The following NDUFAF2 variants were observed in gnomAD, a reference collection of about 807,000 sequenced individuals.
The protein encoded by NDUFAF2 is NADH:ubiquinone oxidoreductase complex assembly factor 2.
Under a neutral mutation model 22.8 loss-of-function variants are expected in NDUFAF2, and 13 were observed. That is an observed-to-expected ratio of 0.57 (90% CI 0.37 to 0.91). NDUFAF2 has a LOEUF of 0.91. Ranked by LOEUF, NDUFAF2 falls within the 40% of genes least tolerant of loss-of-function variation. NDUFAF2 has a pLI of 0.01. For missense variants in NDUFAF2, 162 were observed against 195.2 expected, an observed-to-expected ratio of 0.83 and a Z score of 1.01; for synonymous variants, 53 against 64.2, an observed-to-expected ratio of 0.83 and a Z score of 0.84.
intron 1 of NDUFAF2, among the ~76,000 whole-genome samples, chr5:61,070,186 G>A (rs1561556401): frequency 1.3e-5 from 2 of 152,066 alleles, no homozygotes; most frequent in Non-Finnish European, 2.9e-5. Flanking sequence ...AAATTTTGAT[G>A]CTTGAGCAGG....
chr5:60,996,875 T>G (rs2112588601), intron 1 of NDUFAF2, among the ~76,000 whole-genome samples: 1 of 152,312 alleles, frequency 6.6e-6, no homozygotes, highest in South Asian at 2.1e-4. Flanking sequence ...AATTCAGGAC[T>G]GATTTTTTGT....
At chr5:61,010,264 G>C (rs1234354737) in intron 1 of NDUFAF2, among the ~76,000 whole-genome samples, 1 of 152,012 alleles carries the variant, frequency 6.6e-6, no homozygotes, top group African/African-American at 2.4e-5. Flanking sequence ...ACCATCCTTA[G>C]GATCAAGTCT....
chr5:60,948,684 T>C (rs1162546294), intron 1 of NDUFAF2, among the ~76,000 whole-genome samples: 11 of 152,210 alleles, frequency 7.2e-5, no homozygotes, highest in Admixed American at 7.2e-4. Flanking sequence ...TATACCATAA[T>C]TTGTTTATCC....
At chr5:61,119,942 G>A (rs1752956290) in intron 3 of NDUFAF2, among the ~76,000 whole-genome samples, 2 of 152,098 alleles carry the variant, frequency 1.3e-5, no homozygotes, top group South Asian at 4.1e-4. Context: ...TAGATTACCT[G>A]AAATCCTATG....
At chr5:60,964,743 C>T (rs772920863) in intron 1 of NDUFAF2, among the ~76,000 whole-genome samples, 27 of 152,196 alleles carry the variant, frequency 1.8e-4, no homozygotes, top group Non-Finnish European at 2.6e-4. Context: ...TGAACTACCG[C>T]GCCCGGCCAC....
At chr5:61,135,454 TAACCAAAAC>T (rs933355737) in intron 3 of NDUFAF2, among the ~76,000 whole-genome samples, 1 of 152,162 alleles carries the variant, frequency 6.6e-6, no homozygotes, top group Non-Finnish European at 1.5e-5. Flanking sequence ...ATAGAAATAC[TAACCAAAAC>T]AATTGATTGA....
intron 1 of NDUFAF2, among the ~76,000 whole-genome samples, chr5:60,949,806 G>C (rs1449640904): frequency 6.6e-6 from 1 of 152,218 alleles, no homozygotes; most frequent in South Asian, 2.1e-4. Context: ...GATATGTTTT[G>C]TTAAATTTAT....
At chr5:60,945,992 C>T (rs533483601) in intron 1 of NDUFAF2, among the ~76,000 whole-genome samples, 1 of 152,156 alleles carries the variant, frequency 6.6e-6, no homozygotes, top group Non-Finnish European at 1.5e-5. Flanking sequence ...TCGCTGATTC[C>T]TTTCTCGGGA....
chr5:61,123,345 A>G (rs1042265378), intron 3 of NDUFAF2, among the ~76,000 whole-genome samples: 2 of 152,174 alleles, frequency 1.3e-5, no homozygotes, highest in African/African-American at 4.8e-5. Context: ...GGAAAACTAG[A>G]TAGTATAGCC....
rs1477935268 is a variant in NDUFAF2, at chr5:61,020,852, C to T, written c.128-52273C>T. On this transcript the variant is annotated intron_variant, in intron 1 of 3. Transcript: ENST00000296597. The stretch of plus-strand genomic sequence containing the variant: ...CTGGGATTACAGGTGTGTACCACCA[C>T]GCCCAGCTAATTTTTGTATTTTTAG... Among the ~76,000 whole-genome samples, 11 of 152,078 alleles carry T rather than the reference C, an allele frequency of 7.2e-5. No individual in the cohort carries two copies. The East Asian group carries it at 7.7e-4, about 11-fold the overall frequency.
rs184634272 is a variant in NDUFAF2, at chr5:60,974,243, G to A, written c.127+28861G>A. 1.2e-4 allele frequency among the ~76,000 whole-genome samples: 18 copies of A among 152,240 alleles called. 1 individual carries two copies. Among genetic ancestry groups the A allele is most frequent in the Admixed American group, 8.5e-4 (13 of 15,290 alleles). ...CCAGGCTTCATCTTTCTCCTATGCC[G>A]GACGCTTCCTGCCCTCAAACATTAG... On this transcript the variant is annotated intron_variant, in intron 1 of 3. Coordinates refer to ENST00000296597, the MANE Select transcript of NDUFAF2 (RefSeq NM_174889.5).
intron 1 of NDUFAF2, among the ~76,000 whole-genome samples, chr5:60,998,253 C>T (rs1380674725): frequency 1.3e-5 from 2 of 151,980 alleles, no homozygotes; most frequent in Non-Finnish European, 2.9e-5. Context: ...GAAACTGATA[C>T]TGAAGAAACA....
chr5:61,036,844 C>T (rs1310619819), intron 1 of NDUFAF2, among the ~76,000 whole-genome samples: 2 of 152,124 alleles, frequency 1.3e-5, no homozygotes, highest in African/African-American at 2.4e-5. Context: ...TTCTGGTCTC[C>T]TGTTGGTATT....
chr5:61,053,118 G>T (rs1752046035), intron 1 of NDUFAF2, among the ~76,000 whole-genome samples: 1 of 152,208 alleles, frequency 6.6e-6, no homozygotes, highest in Non-Finnish European at 1.5e-5. Flanking sequence ...AGTGTTCAGG[G>T]AAGCCTTAGA....
chr5:61,037,491 C>T (rs1751814572), intron 1 of NDUFAF2, among the ~76,000 whole-genome samples: 1 of 152,142 alleles, frequency 6.6e-6, no homozygotes, highest in Non-Finnish European at 1.5e-5. Flanking sequence ...TTTTTAAAAA[C>T]TGTCCTAATG....
chr5:61,100,043 T>C (rs1317437671), intron 3 of NDUFAF2, among the ~76,000 whole-genome samples: 1 of 152,180 alleles, frequency 6.6e-6, no homozygotes, highest in Non-Finnish European at 1.5e-5. Context: ...TTTCTAGCTT[T>C]GTATGTTGCT....
At chr5:60,963,372 C>T (rs80126237) in intron 1 of NDUFAF2, among the ~76,000 whole-genome samples, 21 of 152,284 alleles carry the variant, frequency 1.4e-4, no homozygotes, top group African/African-American at 5.1e-4. Flanking sequence ...GTAAATAAGT[C>T]TGCAACTTGC....
intron 3 of NDUFAF2, among the ~76,000 whole-genome samples, chr5:61,124,598 A>G (rs538149069): frequency 5.4e-4 from 82 of 152,186 alleles, no homozygotes; most frequent in Non-Finnish European, 1.0e-3. Context: ...ACATGTAGCT[A>G]TTACAATTTA....
chr5:61,095,172 G>A (rs939378835), intron 2 of NDUFAF2, among the ~76,000 whole-genome samples: 1 of 152,112 alleles, frequency 6.6e-6, no homozygotes, highest in Non-Finnish European at 1.5e-5. Context: ...CAGGGTGGCT[G>A]GAGGCCCCAG....
Sources: allele counts gnomAD v4.1 joint callset (sites outside exome capture counted in the v4.1 genomes callset), GRCh38; gene constraint gnomAD v4.1.1; transcripts MANE v1.5; gene names NCBI Gene and HGNC (gene_info 2026-07-23, HGNC 2026-07-21).